CD38: variants seen among roughly 807,000 people sequenced by gnomAD.
CD38 encodes CD38 molecule, also known as ADP-ribosyl cyclase/cyclic ADP-ribose hydrolase 1.
A neutral mutation model predicts 36.3 loss-of-function variants in CD38; 31 were observed. The ratio of observed to expected loss-of-function variants is 0.85; its 90% CI spans 0.64 to 1.15. CD38 has a LOEUF of 1.15. Among genes scored for constraint, CD38 ranks in the 50% most tolerant of loss-of-function variants. The pLI, the probability that CD38 is intolerant of heterozygous loss-of-function variation, is 0.00. For synonymous variants in CD38, 131 were observed against 135.2 expected (o/e 0.97, Z 0.22); for missense variants, 380 against 371.9 (o/e 1.02, Z -0.18).
chr4:15,827,070 G>A (rs183339492), intron 3 of CD38, among the ~76,000 whole-genome samples: 11 of 152,222 alleles, frequency 7.2e-5, no homozygotes, highest in Middle Eastern at 3.4e-3. Flanking sequence ...CATGTGCTAC[G>A]TAAGTAGTCA....
At chr4:15,821,883 A>AAAAG (rs538219590) in intron 2 of CD38, among the ~76,000 whole-genome samples, 1 of 151,986 alleles carries the variant, frequency 6.6e-6, no homozygotes, top group Admixed American at 6.6e-5. Flanking sequence ...TTTAAAAAAA[A>AAAAG]AAAGAAAGAA....
At chr4:15,780,242 A>G (rs1722661036) in intron 1 of CD38, among the ~76,000 whole-genome samples, 1 of 152,164 alleles carries the variant, frequency 6.6e-6, no homozygotes. Flanking sequence ...ACTCCAAAAT[A>G]GTTGTGCCAT....
intron 1 of CD38, among the ~76,000 whole-genome samples, chr4:15,781,805 C>T (rs757300063): frequency 1.2e-4 from 18 of 152,234 alleles, no homozygotes; most frequent in Non-Finnish European, 2.2e-4. Flanking sequence ...TTTTGTTACA[C>T]AAGACCTCAC....
intron 1 of CD38, among the ~76,000 whole-genome samples, chr4:15,809,075 T>C (rs1053784168): frequency 3.9e-5 from 6 of 152,176 alleles, no homozygotes; most frequent in Non-Finnish European, 8.8e-5. Context: ...AATAGGTATG[T>C]GTGAATGAGG....
chr4:15,778,712 A>T lies in CD38; in HGVS notation c.233+65A>T. The T allele has an allele frequency of 8.4e-7, 1 of 1,192,134 alleles. No individual in the cohort carries two copies. The highest frequency in any genetic ancestry group is 1.2e-6 in the Non-Finnish European group (1 of 823,822). The allele number at this position is 1,192,134 out of a possible 1,614,324, so 73.8% of individuals were successfully genotyped here. On this transcript the variant is annotated intron_variant, in intron 1 of 7. Coordinates refer to ENST00000226279, the MANE Select transcript of CD38 (RefSeq NM_001775.4). The surrounding 1 kb of genome is among the most constrained non-coding windows in gnomAD (Gnocchi z 4.9). ...GACAGCAGGGCCCCGCGCGCAGGGA[A>T]GCCGCCCGGATCGCCCGGAACCGGG...
intron 1 of CD38, among the ~76,000 whole-genome samples, chr4:15,812,241 C>T (rs1017296284): frequency 6.6e-6 from 1 of 152,146 alleles, no homozygotes; most frequent in African/African-American, 2.4e-5. Flanking sequence ...TGTCTTTCAA[C>T]TTTGGTCTTC....
intron 7 of CD38, among the ~76,000 whole-genome samples, chr4:15,841,568 G>T (rs527571226): frequency 6.7e-6 from 1 of 148,308 alleles, no homozygotes; most frequent in Admixed American, 6.6e-5. Flanking sequence ...CAAGATGGCC[G>T]AATAGGAACA....
intron 3 of CD38, among the ~76,000 whole-genome samples, chr4:15,826,866 A>G (rs1723862907): frequency 6.6e-6 from 1 of 152,292 alleles, no homozygotes; most frequent in African/African-American, 2.4e-5. Context: ...TAATACCTCA[A>G]TTTAGTGTGA....
intron 2 of CD38, among the ~76,000 whole-genome samples, chr4:15,822,778 A>C (rs1337164394): frequency 6.6e-6 from 1 of 152,226 alleles, no homozygotes; most frequent in African/African-American, 2.4e-5. Flanking sequence ...TTATAGATTC[A>C]GTGCTATTCC....
intron 1 of CD38, among the ~76,000 whole-genome samples, chr4:15,812,661 T>C (rs1390720626): frequency 2.0e-5 from 3 of 152,150 alleles, no homozygotes; most frequent in African/African-American, 4.8e-5. Context: ...GATCGCACCA[T>C]TGCACTCTAG....
chr4:15,824,700 A>ACT (rs1272604375), intron 2 of CD38, among the ~76,000 whole-genome samples, 181 bp from the exon 3 acceptor site: 2 of 134,392 alleles, frequency 1.5e-5, no homozygotes, highest in South Asian at 4.7e-4. Context: ...ACACACACAC[A>ACT]CTCTCTCTCC....
intron 3 of CD38, among the ~76,000 whole-genome samples, chr4:15,828,848 T>C (rs760310490): frequency 2.0e-5 from 3 of 152,320 alleles, no homozygotes; most frequent in Middle Eastern, 6.8e-3. Context: ...GTGGGATTGC[T>C]GGATCATATG....
At chr4:15,841,051 G>A (rs1724194825) in intron 7 of CD38, among the ~76,000 whole-genome samples, 1 of 151,792 alleles carries the variant, frequency 6.6e-6, no homozygotes, top group South Asian at 2.1e-4. Context: ...AAAAAAAAAA[G>A]TATTTACAAA....
chr4:15,794,162 C>T (rs1723062156), intron 1 of CD38, among the ~76,000 whole-genome samples: 1 of 152,230 alleles, frequency 6.6e-6, no homozygotes, highest in Non-Finnish European at 1.5e-5. Context: ...GGATGTGAAT[C>T]ATCCCTTTGT....
intron 2 of CD38, among the ~76,000 whole-genome samples, chr4:15,822,340 C>A (rs367890000): frequency 6.6e-6 from 1 of 152,014 alleles, no homozygotes; most frequent in Non-Finnish European, 1.5e-5. Flanking sequence ...ATGTTCTGAC[C>A]GGGACAATCA....
At chr4:15,823,185 T>C (rs1351879210) in intron 2 of CD38, among the ~76,000 whole-genome samples, 3 of 152,124 alleles carry the variant, frequency 2.0e-5, no homozygotes, top group Non-Finnish European at 4.4e-5. Context: ...TTAAGATGAA[T>C]TAGAGACTTA....
intron 3 of CD38, 58 bp from the exon 4 acceptor site, chr4:15,834,143 AACAGCCAGGGAAGAGT>A: frequency 1.0e-6 from 1 of 975,106 alleles, no homozygotes; most frequent in African/African-American, 1.6e-5. Context: ...ACTATGACTG[AACAGCCAGGGAAGAGT>A]ACAGCTTATT....
intron 1 of CD38, among the ~76,000 whole-genome samples, chr4:15,801,092 A>AG (rs2148918473): frequency 6.6e-6 from 1 of 152,142 alleles, no homozygotes; most frequent in African/African-American, 2.4e-5. Context: ...TAAATGAAAA[A>AG]GGAGATGTTA....
intron 2 of CD38, among the ~76,000 whole-genome samples, chr4:15,817,954 C>A (rs898104608): frequency 6.6e-6 from 1 of 152,076 alleles, no homozygotes; most frequent in African/African-American, 2.4e-5. Flanking sequence ...AAGCTAGGTG[C>A]AGGAGTTTTT....
Sources: allele counts gnomAD v4.1 joint callset (sites outside exome capture counted in the v4.1 genomes callset), GRCh38; gene constraint gnomAD v4.1.1; non-coding constraint Gnocchi (gnomAD v3.1); transcripts MANE v1.5; gene names NCBI Gene and HGNC (gene_info 2026-07-23, HGNC 2026-07-21).